EIF4G3: variants seen among roughly 807,000 people sequenced by gnomAD.
EIF4G3 encodes eIF-4-gamma 3.
EIF4G3 carries 34 observed loss-of-function variants against 186.4 expected under a neutral mutation model. That is an observed-to-expected ratio of 0.18 (90% confidence interval 0.14 to 0.24). EIF4G3 has a LOEUF of 0.24. Among genes scored for constraint, EIF4G3 ranks in the 10% least tolerant of loss-of-function variants. EIF4G3 has a pLI of 1.00. For synonymous variants in EIF4G3, 673 were observed against 679.5 expected (o/e 0.99, Z 0.15); for missense variants, 1,536 against 1,948.5 (o/e 0.79, Z 3.99).
chr1:21,123,908 T>C (rs532730046), intron 2 of EIF4G3, among the ~76,000 whole-genome samples: 94 of 152,300 alleles, frequency 6.2e-4, no homozygotes, highest in South Asian at 2.5e-3. Context: ...TGATGGTCTA[T>C]CTAGGGATCA....
At chr1:20,834,836 A>T (rs2066281001) in intron 30 of EIF4G3, among the ~76,000 whole-genome samples, 1 of 152,220 alleles carries the variant, frequency 6.6e-6, no homozygotes, top group Non-Finnish European at 1.5e-5. Context: ...TCTAGACAGA[A>T]AATCAGTAAG....
At chr1:20,845,895 G>C (rs146165867) in intron 29 of EIF4G3, among the ~76,000 whole-genome samples, 1 of 152,178 alleles carries the variant, frequency 6.6e-6, no homozygotes, top group South Asian at 2.1e-4. Flanking sequence ...GCTTTGGGTC[G>C]CATAGCCATT....
At chr1:20,922,243 A>C (rs543594437) in intron 14 of EIF4G3, among the ~76,000 whole-genome samples, 1 of 152,360 alleles carries the variant, frequency 6.6e-6, no homozygotes, top group Non-Finnish European at 1.5e-5. Flanking sequence ...GTGCCACTTA[A>C]ATCCAAAAAT....
intron 10 of EIF4G3, among the ~76,000 whole-genome samples, chr1:20,973,898 T>C (rs1318192479): frequency 6.6e-6 from 1 of 152,188 alleles, no homozygotes. Context: ...CCAAATTGTT[T>C]GGAGTAGAGG....
At chr1:21,134,198 TA>T (rs1380241807) in intron 2 of EIF4G3, among the ~76,000 whole-genome samples, 1 of 152,188 alleles carries the variant, frequency 6.6e-6, no homozygotes, top group Non-Finnish European at 1.5e-5. Context: ...ATCTCAGTCA[TA>T]ATGAGACTTA....
At chr1:20,848,247 T>C (rs2071891366) in intron 29 of EIF4G3, among the ~76,000 whole-genome samples, 1 of 152,212 alleles carries the variant, frequency 6.6e-6, no homozygotes, top group Non-Finnish European at 1.5e-5. Context: ...ATTACAGGCA[T>C]GAGTCACTGC....
chr1:21,091,900 G>A (rs1416650784), intron 2 of EIF4G3, among the ~76,000 whole-genome samples: 1 of 152,156 alleles, frequency 6.6e-6, no homozygotes, highest in African/African-American at 2.4e-5. Flanking sequence ...GGGCTGAGAC[G>A]ATGGGGTTTT....
At chr1:21,128,633 G>A (rs937421973) in intron 2 of EIF4G3, among the ~76,000 whole-genome samples, 2 of 152,118 alleles carry the variant, frequency 1.3e-5, no homozygotes, top group Non-Finnish European at 2.9e-5. Flanking sequence ...CTTCATTTCT[G>A]TATAATGCTC....
At chr1:21,110,167 T>A (rs1218687092) in intron 2 of EIF4G3, among the ~76,000 whole-genome samples, 1 of 152,238 alleles carries the variant, frequency 6.6e-6, no homozygotes, top group African/African-American at 2.4e-5. Context: ...TATATTTTTT[T>A]AATTTCTTAA....
At chr1:21,018,867 T>A (rs1339179946) in intron 4 of EIF4G3, among the ~76,000 whole-genome samples, 1 of 152,072 alleles carries the variant, frequency 6.6e-6, no homozygotes, top group Non-Finnish European at 1.5e-5. Context: ...GAAGCAGGTG[T>A]TGGTCTGGCA....
At chr1:21,023,418 G>C (rs899103204) in intron 4 of EIF4G3, among the ~76,000 whole-genome samples, 3 of 151,710 alleles carry the variant, frequency 2.0e-5, no homozygotes, top group Non-Finnish European at 2.9e-5. Context: ...GCAGGCACGC[G>C]CCGCCATGCC....
At chr1:20,957,721 CAACA>C (rs2096469221) in intron 12 of EIF4G3, among the ~76,000 whole-genome samples, 1 of 151,908 alleles carries the variant, frequency 6.6e-6, no homozygotes, top group Non-Finnish European at 1.5e-5. Context: ...GGAGACATTA[CAACA>C]AACACCAGAG....
intron 4 of EIF4G3, among the ~76,000 whole-genome samples, chr1:21,022,160 C>T (rs2090879583): frequency 6.6e-6 from 1 of 152,134 alleles, no homozygotes; most frequent in South Asian, 2.1e-4. Flanking sequence ...AGGCTATCTT[C>T]TTTTGCTACC....
intron 3 of EIF4G3, among the ~76,000 whole-genome samples, chr1:21,074,226 T>C (rs1312739668): frequency 6.6e-6 from 1 of 152,178 alleles, no homozygotes; most frequent in East Asian, 1.9e-4. Context: ...TTTAGATACT[T>C]ACCTGGCCTC....
At chr1:21,052,165 G>A (rs1241440235) in intron 3 of EIF4G3, among the ~76,000 whole-genome samples, 4 of 151,958 alleles carry the variant, frequency 2.6e-5, no homozygotes, top group South Asian at 2.1e-4. Context: ...CATTTTCTCC[G>A]TTTTTTGCAG....
At chr1:20,951,594 G>T (rs16824871) in intron 12 of EIF4G3, among the ~76,000 whole-genome samples, 1,901 of 152,140 alleles carry the variant, frequency 0.012, 39 homozygotes, top group African/African-American at 0.042. Flanking sequence ...AGGCTGAAAA[G>T]AGATCTGGAA....
intron 14 of EIF4G3, chr1:20,941,262 G>A: frequency 6.5e-7 from 1 of 1,549,418 alleles, no homozygotes; most frequent in Non-Finnish European, 8.7e-7. Flanking sequence ...CATATACCTT[G>A]GAGGCATTTT....
chr1:21,016,182 T>C (rs1194215431), intron 4 of EIF4G3, among the ~76,000 whole-genome samples: 14 of 152,222 alleles, frequency 9.2e-5, no homozygotes, highest in Admixed American at 9.2e-4. Context: ...AGTACGGTTT[T>C]TGTAACCAAC....
intron 2 of EIF4G3, chr1:21,161,977 A>C (rs2097775354): frequency 6.6e-6 from 1 of 152,198 alleles, no homozygotes; most frequent in Non-Finnish European, 1.5e-5. Flanking sequence ...TCAAAAAAAA[A>C]AAAAAAGTTG....
Sources: gnomAD v4.1 joint callset for allele counts (sites outside exome capture counted in the v4.1 genomes callset) on GRCh38, gnomAD v4.1.1 for gene constraint, MANE v1.5 for transcripts, NCBI Gene and HGNC (gene_info 2026-07-23, HGNC 2026-07-21) for gene names.